Variants in OPCML observed in about 807,000 individuals in gnomAD.
The protein encoded by OPCML is opioid-binding protein/cell adhesion molecule.
Under a neutral mutation model 37.8 loss-of-function variants are expected in OPCML, and 13 were observed. The observed-to-expected ratio is 0.34, with a 90% CI of 0.22 to 0.55. OPCML has a LOEUF of 0.55. Ranked by LOEUF, OPCML falls within the 20% of genes least tolerant of loss-of-function variation. The pLI is 0.91. For missense variants in OPCML, 341 were observed against 435.6 expected (o/e 0.78, Z 1.93); for synonymous variants, 176 against 168.8 (o/e 1.04, Z -0.33).
chr11:132,908,726 A>G (rs1240423926), intron 2 of OPCML, among the ~76,000 whole-genome samples: 1 of 152,234 alleles, frequency 6.6e-6, no homozygotes, highest in Non-Finnish European at 1.5e-5. Flanking sequence ...AGAAAGACAT[A>G]GCGCATTGAT....
chr11:132,591,184 C>A (rs1480101400), intron 3 of OPCML, among the ~76,000 whole-genome samples: 1 of 152,146 alleles, frequency 6.6e-6, no homozygotes, highest in Non-Finnish European at 1.5e-5. Flanking sequence ...ATCATCGCCC[C>A]CCTTTGGAGT....
chr11:133,044,385 G>A (rs1170493832), intron 1 of OPCML, among the ~76,000 whole-genome samples: 7 of 152,206 alleles, frequency 4.6e-5, no homozygotes, highest in African/African-American at 1.7e-4. Context: ...TGAGCATGGG[G>A]AACAGAGAAC....
chr11:132,946,550 G>T (rs1022450238), intron 1 of OPCML, among the ~76,000 whole-genome samples: 1 of 152,188 alleles, frequency 6.6e-6, no homozygotes, highest in African/African-American at 2.4e-5. Flanking sequence ...TGGAGGATGA[G>T]AAGTTTTTAG....
chr11:133,399,199 A>T (rs1360044685), intron 1 of OPCML, among the ~76,000 whole-genome samples: 2 of 152,154 alleles, frequency 1.3e-5, no homozygotes, highest in Admixed American at 1.3e-4. Context: ...AAAAGGAAAA[A>T]TATCCTCTAT....
At chr11:132,502,978 ACTG>A (rs2096248804) in intron 4 of OPCML, among the ~76,000 whole-genome samples, 1 of 152,178 alleles carries the variant, frequency 6.6e-6, no homozygotes, top group Non-Finnish European at 1.5e-5. Flanking sequence ...TTCAGGGGTG[ACTG>A]ATGGGCTCCA....
chr11:133,107,810 G>A (rs1448941623), intron 1 of OPCML, among the ~76,000 whole-genome samples: 1 of 152,160 alleles, frequency 6.6e-6, no homozygotes, highest in Non-Finnish European at 1.5e-5. Context: ...CAAATGTTCT[G>A]TAACAACTCA....
chr11:133,113,140 A>AG (rs1949282570), intron 1 of OPCML, among the ~76,000 whole-genome samples: 1 of 152,240 alleles, frequency 6.6e-6, no homozygotes, highest in South Asian at 2.1e-4. Flanking sequence ...CATGCAAAAA[A>AG]GCCATCCTTT....
chr11:132,883,936 CATA>C (rs2136437387), intron 2 of OPCML, among the ~76,000 whole-genome samples: 1 of 152,176 alleles, frequency 6.6e-6, no homozygotes, highest in African/African-American at 2.4e-5. Flanking sequence ...CAGTGAGAAA[CATA>C]ATGTGTTTGG....
At chr11:133,167,813 C>G (rs1176114428) in intron 1 of OPCML, among the ~76,000 whole-genome samples, 1 of 152,160 alleles carries the variant, frequency 6.6e-6, no homozygotes, top group Non-Finnish European at 1.5e-5. Flanking sequence ...CCAGTTCTCT[C>G]TATCTCAATC....
intron 1 of OPCML, among the ~76,000 whole-genome samples, chr11:133,525,581 T>C (rs1227843671): frequency 2.0e-5 from 3 of 152,206 alleles, no homozygotes; most frequent in African/African-American, 7.2e-5. Context: ...TCACAGTCTC[T>C]TAGTGAGGAA....
chr11:132,910,510 C>T (rs560096781), intron 2 of OPCML, among the ~76,000 whole-genome samples: 1 of 152,324 alleles, frequency 6.6e-6, no homozygotes, highest in Admixed American at 6.5e-5. Context: ...TGGCGCACAA[C>T]CCTGAACCGC....
At chr11:133,079,724 A>G (rs1331261577) in intron 1 of OPCML, among the ~76,000 whole-genome samples, 1 of 151,976 alleles carries the variant, frequency 6.6e-6, no homozygotes, top group Admixed American at 6.5e-5. Flanking sequence ...GAATTCACAA[A>G]TTCACCACCC....
chr11:132,955,100 G>T (rs965080546), intron 1 of OPCML, among the ~76,000 whole-genome samples: 8 of 152,196 alleles, frequency 5.3e-5, no homozygotes, highest in African/African-American at 1.9e-4. Flanking sequence ...CAGGTGTGGA[G>T]AAAACAAATG....
intron 4 of OPCML, among the ~76,000 whole-genome samples, chr11:132,448,938 C>A (rs984238840): frequency 1.3e-5 from 2 of 152,170 alleles, no homozygotes; most frequent in African/African-American, 4.8e-5. Flanking sequence ...GTTTTATAAC[C>A]TTTCATCACC....
In OPCML at chr11:132,650,157, A is replaced by C. The variant is rs550253017; in HGVS notation, c.379+6930T>G. 5.0e-4 allele frequency among the ~76,000 whole-genome samples: 76 copies of C among 152,332 alleles called. No individual in the cohort carries two copies. The South Asian group carries it at 0.016, about 32-fold the overall frequency. ...TCTTTCTCTTCCACCTTCTCTAACC[A>C]AAAAGTGAACAACAAGGTTTACAGT... On this transcript the variant is annotated intron_variant, in intron 3 of 7. Coordinates refer to ENST00000524381, the MANE Select transcript of OPCML (RefSeq NM_001012393.5).
chr11:133,270,622 C>T lies in OPCML; in HGVS notation c.61+261642G>A, dbSNP rs139122862. On this transcript the variant is annotated intron_variant, in intron 1 of 7. Coordinates refer to ENST00000524381, the MANE Select transcript of OPCML (RefSeq NM_001012393.5). ...TTGTTCAATTCAACATGGAGGTACA[C>T]TGGCTGACAGAGTGGAAACACTGTA... 4.8e-4 allele frequency among the ~76,000 whole-genome samples: 73 copies of T among 152,302 alleles called. No individual in the cohort carries two copies. In the East Asian group the frequency reaches 0.013, roughly 27 times the overall value.
intron 2 of OPCML, among the ~76,000 whole-genome samples, chr11:132,725,751 A>G (rs1177845523): frequency 6.7e-6 from 1 of 149,990 alleles, no homozygotes; most frequent in Non-Finnish European, 1.5e-5. Flanking sequence ...ACTGCACTCC[A>G]GCCTGGGCAA....
At chr11:132,421,366 C>G (rs1344953935) in intron 7 of OPCML, among the ~76,000 whole-genome samples, 1 of 152,200 alleles carries the variant, frequency 6.6e-6, no homozygotes, top group Non-Finnish European at 1.5e-5. Context: ...TCTACCATCT[C>G]AAGCCAGGAC....
chr11:133,402,365 T>C (rs1836166305), intron 1 of OPCML, among the ~76,000 whole-genome samples: 1 of 152,128 alleles, frequency 6.6e-6, no homozygotes, highest in Non-Finnish European at 1.5e-5. Context: ...CTCTCAACAT[T>C]GTTGCATCGG....
Sources: gnomAD v4.1 joint callset for allele counts (sites outside exome capture counted in the v4.1 genomes callset) on GRCh38, gnomAD v4.1.1 for gene constraint, MANE v1.5 for transcripts, NCBI Gene and HGNC (gene_info 2026-07-23, HGNC 2026-07-21) for gene names.